GID4: variants seen among roughly 807,000 people sequenced by gnomAD.
GID4 encodes GID complex subunit 4 homolog.
Under a neutral mutation model 32.4 loss-of-function variants are expected in GID4, and 7 were observed. That is an observed-to-expected ratio of 0.22 (90% CI 0.12 to 0.41). The LOEUF (loss-of-function observed/expected upper bound fraction) is 0.41, where lower values mean the gene tolerates loss of function less well. Among genes scored for constraint, GID4 ranks in the 10% least tolerant of loss-of-function variants. The probability of loss-of-function intolerance (pLI) is 1.00; values close to 1 mark genes in which losing one functional copy is unlikely to be tolerated. For missense variants in GID4, 309 were observed against 400.0 expected, an observed-to-expected ratio of 0.77 and a Z score of 1.94; for synonymous variants, 166 against 170.0, an observed-to-expected ratio of 0.98 and a Z score of 0.18.
At chr17:18,049,309 C>T (rs2044886056) in intron 2 of GID4, among the ~76,000 whole-genome samples, 1 of 146,734 alleles carries the variant, frequency 6.8e-6, no homozygotes, top group African/African-American at 2.5e-5. Context: ...GGACTCCAAC[C>T]TCGGCAACAG....
At chr17:18,053,518 T>C (rs1271049388) in intron 2 of GID4, among the ~76,000 whole-genome samples, 2 of 151,708 alleles carry the variant, frequency 1.3e-5, no homozygotes, top group Non-Finnish European at 1.5e-5. Context: ...GAGGCTGAGG[T>C]AGGAGAATCA....
intron 3 of GID4, among the ~76,000 whole-genome samples, chr17:18,054,525 A>C (rs1000946756): frequency 6.6e-6 from 1 of 151,762 alleles, no homozygotes; most frequent in Non-Finnish European, 1.5e-5. Flanking sequence ...CATCCTTCCC[A>C]CCTGTTTGTC....
At chr17:18,057,007 A>AT (rs1322727199) in intron 3 of GID4, 1 of 1,547,104 alleles carries the variant, frequency 6.5e-7, no homozygotes, top group Non-Finnish European at 8.7e-7. Flanking sequence ...CTAGGCTGTC[A>AT]TTTTTTCATT....
intron 2 of GID4, among the ~76,000 whole-genome samples, chr17:18,052,405 T>C (rs2044920526): frequency 6.6e-6 from 1 of 152,180 alleles, no homozygotes; most frequent in Admixed American, 6.6e-5. Context: ...GGTCCTACAC[T>C]ACATGCAGGC....
chr17:18,056,631 G>T (rs776501586), intron 3 of GID4: 1 of 1,471,728 alleles, frequency 6.8e-7, no homozygotes, highest in Non-Finnish European at 9.2e-7. Flanking sequence ...GTGACACTCA[G>T]TTTTAGGCTA....
intron 2 of GID4, among the ~76,000 whole-genome samples, chr17:18,047,157 T>A (rs920889685): frequency 6.6e-6 from 1 of 152,218 alleles, no homozygotes; most frequent in Non-Finnish European, 1.5e-5. Context: ...AAGTTTGTTG[T>A]TGAGACCAAA....
At chr17:18,053,461 A>G (rs1334130726) in intron 2 of GID4, among the ~76,000 whole-genome samples, 1 of 151,954 alleles carries the variant, frequency 6.6e-6, no homozygotes, top group Non-Finnish European at 1.5e-5. Context: ...AAAAATACAA[A>G]CATTAGGTGG....
At chr17:18,051,624 A>C (rs1397053523) in intron 2 of GID4, among the ~76,000 whole-genome samples, 1 of 150,804 alleles carries the variant, frequency 6.6e-6, no homozygotes, top group Non-Finnish European at 1.5e-5. Flanking sequence ...GCAGTGAGCC[A>C]AGGTTGTACC....
intron 2 of GID4, among the ~76,000 whole-genome samples, chr17:18,049,792 A>AT (rs370099972): frequency 6.6e-6 from 1 of 151,250 alleles, no homozygotes; most frequent in Non-Finnish European, 1.5e-5. Flanking sequence ...ACCAGGCTAA[A>AT]TTTTTTTTTG....
intron 3 of GID4, among the ~76,000 whole-genome samples, chr17:18,054,702 C>G (rs564454152): frequency 6.6e-6 from 1 of 152,290 alleles, no homozygotes; most frequent in African/African-American, 2.4e-5. Context: ...TTCTTTTTAT[C>G]CTGGCTGCTG....
At chr17:18,051,844 G>A (rs989614892) in intron 2 of GID4, among the ~76,000 whole-genome samples, 2 of 152,114 alleles carry the variant, frequency 1.3e-5, no homozygotes, top group Non-Finnish European at 2.9e-5. Flanking sequence ...GGAGGCCGAG[G>A]CGGGTGGATC....
intron 1 of GID4, among the ~76,000 whole-genome samples, chr17:18,042,910 GTGTTTT>G (rs1396286764): frequency 6.6e-6 from 1 of 152,132 alleles, no homozygotes; most frequent in Non-Finnish European, 1.5e-5. Context: ...ATCTTTTCTT[GTGTTTT>G]TGTTGTTGTT....
At chr17:18,052,059 G>A (rs1310989685) in intron 2 of GID4, among the ~76,000 whole-genome samples, 2 of 144,870 alleles carry the variant, frequency 1.4e-5, no homozygotes. Context: ...GGGCGACAGA[G>A]CAAGACTCTG....
chr17:18,053,234 A>T (rs2044931507), intron 2 of GID4, among the ~76,000 whole-genome samples: 1 of 148,942 alleles, frequency 6.7e-6, no homozygotes, highest in African/African-American at 2.4e-5. Context: ...GTTGGTCTTG[A>T]ACTCCTGACC....
chr17:18,060,931 C>T (rs1335882146), intron 4 of GID4, among the ~76,000 whole-genome samples: 5 of 152,122 alleles, frequency 3.3e-5, no homozygotes, highest in East Asian at 1.9e-4. Context: ...GACGGGTTTT[C>T]GCCATATTGG....
chr17:18,048,401 C>T (rs1368249981), intron 2 of GID4, among the ~76,000 whole-genome samples: 1 of 152,072 alleles, frequency 6.6e-6, no homozygotes, highest in Non-Finnish European at 1.5e-5. Flanking sequence ...GCCATGTTGG[C>T]CAGACTGGTC....
At position 18,065,436 on chromosome 17, in the gene GID4, A is replaced by G. The variant is rs932800878; in HGVS notation, c.*193A>G. ...GGCCCGTGGGGCAGGTGGAGGGAGC[A>G]GTCTTCGTTCTTCCTCCCCTCAGTG... On this transcript the variant is annotated 3_prime_UTR_variant, in exon 6 of 6. Coordinates refer to ENST00000268719, the MANE Select transcript of GID4 (RefSeq NM_024052.5). 2 of 601,060 alleles carry G rather than the reference A, an allele frequency of 3.3e-6. No homozygotes were observed. Among genetic ancestry groups the G allele is most frequent in the Non-Finnish European group, 6.0e-6 (2 of 335,282 alleles). 37.2% of individuals were successfully genotyped at this position (601,060 alleles called of 1,614,324 possible). A position where few individuals can be genotyped will look rare whatever the true frequency, so the allele number is the denominator to read the frequency against.
chr17:18,056,515 C>T lies in GID4; in HGVS notation c.606+2281C>T, dbSNP rs960480053. ...ATGGCTCCTTCCTCTCCTGTACAGT[C>T]CCAGAGTAGAAGGTTCTTCCTTGTA... is the stretch of plus-strand genomic sequence containing the variant. On this transcript the variant is annotated intron_variant, in intron 3 of 5. Transcript: ENST00000268719. 5.9e-5 allele frequency among the ~76,000 whole-genome samples: 9 copies of T among 152,206 alleles called. No individual in the cohort carries two copies. The East Asian group carries it at 1.2e-3, about 20-fold the overall frequency.
In GID4 at chr17:18,065,708, C is replaced by A. The variant is rs779385920; in HGVS notation, c.*465C>A. The A allele has an allele frequency of 2.6e-5, 6 of 227,732 alleles. No individual in the cohort carries two copies. The highest frequency in any genetic ancestry group is 2.4e-4 in the South Asian group (4 of 16,374). 14.1% of individuals were successfully genotyped at this position (227,732 alleles called of 1,614,324 possible). On this transcript the variant is annotated 3_prime_UTR_variant, in exon 6 of 6. Coordinates refer to ENST00000268719, the MANE Select transcript of GID4 (RefSeq NM_024052.5). The stretch of plus-strand genomic sequence containing the variant: ...AGAGCCCCAGCACCTCTGTGCCCCC[C>A]AGAGCTCTGTGCAGGGAGTTGGCCA...
Sources: allele counts gnomAD v4.1 joint callset (sites outside exome capture counted in the v4.1 genomes callset), GRCh38; gene constraint gnomAD v4.1.1; transcripts MANE v1.5; gene names NCBI Gene and HGNC (gene_info 2026-07-23, HGNC 2026-07-21).